The following APBA1 variants were observed in gnomAD, a reference collection of about 807,000 sequenced individuals.
APBA1 encodes the protein amyloid-beta A4 precursor protein-binding family A member 1.
Under a neutral mutation model 86.6 loss-of-function variants are expected in APBA1, and 55 were observed. That is an observed-to-expected ratio of 0.64 (90% CI 0.51 to 0.80). APBA1 has a LOEUF of 0.80. Ranked by LOEUF, APBA1 falls within the 30% of genes least tolerant of loss-of-function variation. The pLI is 0.00. For synonymous variants in APBA1, 511 were observed against 493.9 expected (o/e 1.03, Z -0.46); for missense variants, 1,090 against 1,183.0 (o/e 0.92, Z 1.15).
intron 2 of APBA1, among the ~76,000 whole-genome samples, chr9:69,504,979 G>A (rs1453182413): frequency 6.6e-6 from 1 of 151,986 alleles, no homozygotes; most frequent in Admixed American, 6.6e-5. Flanking sequence ...GCCACCTGAG[G>A]TATCTGTGTC....
At chr9:69,460,933 G>A (rs1017122326) in intron 5 of APBA1, 1 of 152,208 alleles carries the variant, frequency 6.6e-6, no homozygotes, top group Non-Finnish European at 1.5e-5. Context: ...GTTTCACCAT[G>A]TTGACCAGGC....
intron 1 of APBA1, among the ~76,000 whole-genome samples, chr9:69,544,522 T>C (rs1442458476): frequency 6.6e-6 from 1 of 152,210 alleles, no homozygotes; most frequent in East Asian, 1.9e-4. Flanking sequence ...TGTGCAGAGC[T>C]TTCTGTTGAA....
At chr9:69,466,451 C>G (rs182087797) in intron 5 of APBA1, among the ~76,000 whole-genome samples, 311 of 152,360 alleles carry the variant, frequency 2.0e-3, no homozygotes, top group Admixed American at 2.5e-3. Context: ...TGGTCACTTA[C>G]TGTTCCTTTC....
intron 5 of APBA1, among the ~76,000 whole-genome samples, chr9:69,466,314 C>T (rs1223102237): frequency 2.6e-5 from 4 of 152,184 alleles, no homozygotes; most frequent in African/African-American, 4.8e-5. Context: ...ATCATATTTA[C>T]GGTGTTGGTG....
At chr9:69,631,634 T>C (rs942831286) in intron 1 of APBA1, among the ~76,000 whole-genome samples, 3 of 152,166 alleles carry the variant, frequency 2.0e-5, no homozygotes, top group East Asian at 1.9e-4. Context: ...CTATTCACAA[T>C]AGCAAAGACT....
chr9:69,517,325 C>T (rs1836184150), intron 1 of APBA1, 46 bp from the exon 2 acceptor site: 5 of 1,375,044 alleles, frequency 3.6e-6, no homozygotes. Context: ...TGCAAACAGT[C>T]GTTATGAGCT....
intron 1 of APBA1, among the ~76,000 whole-genome samples, chr9:69,586,726 T>G (rs1391933308): frequency 1.3e-5 from 2 of 152,182 alleles, no homozygotes; most frequent in Non-Finnish European, 2.9e-5. Flanking sequence ...CATCCTCTCC[T>G]TGTTGCCTAA....
intron 1 of APBA1, among the ~76,000 whole-genome samples, chr9:69,610,533 A>G (rs1225953423): frequency 6.6e-6 from 1 of 151,768 alleles, no homozygotes; most frequent in African/African-American, 2.4e-5. Flanking sequence ...TTTTATGGGC[A>G]CTCTGATTTT....
At chr9:69,434,846 C>T (rs910200370) in intron 11 of APBA1, among the ~76,000 whole-genome samples, 1 of 151,782 alleles carries the variant, frequency 6.6e-6, no homozygotes, top group South Asian at 2.1e-4. Flanking sequence ...GCACAACGTG[C>T]AGGTTTGTTA....
At chr9:69,613,200 G>C (rs904472660) in intron 1 of APBA1, among the ~76,000 whole-genome samples, 2 of 122,028 alleles carry the variant, frequency 1.6e-5, no homozygotes, top group African/African-American at 3.7e-5. Context: ...CTAAAACTTT[G>C]ATCTCCCTGT....
intron 1 of APBA1, among the ~76,000 whole-genome samples, chr9:69,548,014 C>G (rs1836724878): frequency 6.6e-6 from 1 of 152,172 alleles, no homozygotes; most frequent in Non-Finnish European, 1.5e-5. Context: ...GGAGATTATC[C>G]TGGATCATCT....
At position 69,456,357 on chromosome 9, in the gene APBA1, G is replaced by C. The variant is rs766705353; in HGVS notation, c.1678C>G (p.Arg560Gly). 6.2e-7 allele frequency: 1 copy of C among 1,614,054 alleles called. No homozygotes were observed. The highest frequency in any genetic ancestry group is 1.1e-5 in the South Asian group (1 of 91,062). ...GAGTTGGAGCGAGGCATCCGCCGGC[G>C]GGCCATCAGCACAACGATGTTCCCA... Reference protein sequence around the residue: ...DIGNIVVLMARRRMPRSNSQE... With the variant: ...DIGNIVVLMAGRRMPRSNSQE... The change falls in exon 8 of 13, where the codon CGC becomes GGC. Residue 560 changes from arginine to glycine, a missense_variant. Arg to Gly is a moderately radical substitution (Grantham distance 125). Coordinates refer to ENST00000265381, the MANE Select transcript of APBA1 (RefSeq NM_001163.4).
In APBA1 at chr9:69,565,471, C is replaced by T. The variant is rs114914812; in HGVS notation, c.-69-48192G>A. Among the ~76,000 whole-genome samples the T allele has an allele frequency of 3.8e-3, 576 of 152,238 alleles. 5 individuals are homozygous for T. The highest frequency in any genetic ancestry group is 0.013 in the African/African-American group (554 of 41,542). On this transcript the variant is annotated intron_variant, in intron 1 of 12. Coordinates refer to ENST00000265381, the MANE Select transcript of APBA1 (RefSeq NM_001163.4). ...ACGCACCAGTGCTCCCGACTGTGTCCCTGCATCACACCTCTCCATGGAACT... is the reference window on the plus strand; with the variant it reads ...ACGCACCAGTGCTCCCGACTGTGTCTCTGCATCACACCTCTCCATGGAACT...
chr9:69,558,028 T>C (rs1836889321), intron 1 of APBA1, among the ~76,000 whole-genome samples: 1 of 152,248 alleles, frequency 6.6e-6, no homozygotes, highest in South Asian at 2.1e-4. Context: ...ATTATAATTA[T>C]GAATTTGTCT....
At chr9:69,653,024 A>AG (rs397744550) in intron 1 of APBA1, among the ~76,000 whole-genome samples, 1 of 151,566 alleles carries the variant, frequency 6.6e-6, no homozygotes, top group Non-Finnish European at 1.5e-5. Flanking sequence ...CAAAAAAAAA[A>AG]CAAAAAAACA....
At chr9:69,506,116 C>T (rs938110570) in intron 2 of APBA1, among the ~76,000 whole-genome samples, 1 of 151,882 alleles carries the variant, frequency 6.6e-6, no homozygotes, top group African/African-American at 2.4e-5. Flanking sequence ...GAGAGCGACA[C>T]AGAAGAAGAC....
Position 69,456,336 on chromosome 9 carries a change from T to C in APBA1, c.1699A>G (p.Asn567Asp), listed in dbSNP as rs1287555252. ...LMARRRMPRS[N>D]SQENVEASHP... ...GACGCTTCCACGTTCTCCTGGGAGT[T>C]GGAGCGAGGCATCCGCCGGCGGGCC... The change falls in exon 8 of 13, where the codon AAC becomes GAC. Residue 567 changes from asparagine to aspartate, a missense_variant. By Grantham distance (23) the Asn-to-Asp change is conservative. This residue lies in a region of APBA1 where 103 missense variants were observed against 91.9 expected (regional missense o/e 1.12). Coordinates refer to ENST00000265381, the MANE Select transcript of APBA1 (RefSeq NM_001163.4). The C allele has an allele frequency of 6.2e-7, 1 of 1,614,182 alleles. No individual in the cohort carries two copies. The highest frequency in any genetic ancestry group is 2.2e-5 in the East Asian group (1 of 44,874).
chr9:69,627,246 G>A (rs1343501296), intron 1 of APBA1, among the ~76,000 whole-genome samples: 1 of 152,036 alleles, frequency 6.6e-6, no homozygotes, highest in Non-Finnish European at 1.5e-5. Context: ...CCTTTTTGTT[G>A]TTGTTGTCAT....
chr9:69,636,938 A>G (rs907310818), intron 1 of APBA1, among the ~76,000 whole-genome samples: 231 of 98,750 alleles, frequency 2.3e-3, no homozygotes, highest in African/African-American at 3.4e-3. Flanking sequence ...AAAGAAAGAA[A>G]GAAAGAAAGA....
Sources: gnomAD v4.1 joint callset for allele counts (sites outside exome capture counted in the v4.1 genomes callset) on GRCh38, gnomAD v4.1.1 for gene constraint, gnomAD v4.1.1 regional missense constraint, MANE v1.5 for transcripts, NCBI Gene and HGNC (gene_info 2026-07-23, HGNC 2026-07-21) for gene names.